CLEC4M: variants seen among roughly 807,000 people sequenced by gnomAD.
The protein encoded by CLEC4M is CD209 antigen-like protein 1.
Under a neutral mutation model 39.1 loss-of-function variants are expected in CLEC4M, and 25 were observed. The ratio of observed to expected loss-of-function variants is 0.64; its 90% CI spans 0.47 to 0.89. The LOEUF (loss-of-function observed/expected upper bound fraction) is 0.89. Ranked by LOEUF, CLEC4M falls within the 40% of genes least tolerant of loss-of-function variation. The pLI, the probability that CLEC4M is intolerant of heterozygous loss-of-function variation, is 0.00. For missense variants in CLEC4M, 353 were observed against 431.4 expected (o/e 0.82, Z 1.61); for synonymous variants, 155 against 177.4 (o/e 0.87, Z 1.00).
Position 7,769,048 on chromosome 19 carries a change from G to A in CLEC4M, c.*60G>A, listed in dbSNP as rs1490084281. Reference sequence around the variant, plus strand: ...ATAGCAGAACTTCACCCACTTGTAAGCCAGCGCTTCTTCTCTCCATCCTTG... The same window carrying A: ...ATAGCAGAACTTCACCCACTTGTAAACCAGCGCTTCTTCTCTCCATCCTTG... On this transcript the variant is annotated 3_prime_UTR_variant, in exon 7 of 7. Coordinates refer to ENST00000327325, the MANE Select transcript of CLEC4M (RefSeq NM_014257.5). The A allele has an allele frequency of 6.4e-7, 1 of 1,557,906 alleles. No individual in the cohort carries two copies. Among genetic ancestry groups the A allele is most frequent in the Non-Finnish European group, 8.8e-7 (1 of 1,140,076 alleles).
chr19:7,766,828 C>G, intron 5 of CLEC4M, 21 bp downstream of exon 5: 1 of 1,614,120 alleles, frequency 6.2e-7, no homozygotes, highest in Non-Finnish European at 8.5e-7. Context: ...TGGGGGTCCT[C>G]GTCCTGGCCT....
chr19:7,763,553 G>A (rs2034111229), intron 2 of CLEC4M, 77 bp downstream of exon 2: 1 of 1,267,824 alleles, frequency 7.9e-7, no homozygotes, highest in Non-Finnish European at 1.1e-6. Flanking sequence ...TAGGTGTTGG[G>A]GTCTGGAATC....
intron 4 of CLEC4M, 130 bp from the exon 5 acceptor site, chr19:7,766,526 C>A: frequency 6.5e-7 from 1 of 1,534,264 alleles, no homozygotes; most frequent in Non-Finnish European, 8.7e-7. Flanking sequence ...GGTCTCTCCC[C>A]ATTCCAAGCG....
At chr19:7,766,983 T>G in intron 5 of CLEC4M, 176 bp downstream of exon 5, 1 of 1,082,918 alleles carries the variant, frequency 9.2e-7, no homozygotes, top group Non-Finnish European at 1.3e-6. Flanking sequence ...AAACCAGATC[T>G]GAACACATGT....
chr19:7,764,204 A>G (rs1021094282), intron 2 of CLEC4M, among the ~76,000 whole-genome samples: 3 of 151,930 alleles, frequency 2.0e-5, no homozygotes, highest in Non-Finnish European at 4.4e-5. Flanking sequence ...CCTTTTAAGC[A>G]TTTCATGGGG....
At chr19:7,764,694 T>C (rs1274039751) in intron 2 of CLEC4M, among the ~76,000 whole-genome samples, 1 of 152,080 alleles carries the variant, frequency 6.6e-6, no homozygotes, top group Non-Finnish European at 1.5e-5. Flanking sequence ...GGTTTCACTG[T>C]GTTAGCCAGG....
chr19:7,767,290 G>A (rs900711118), intron 5 of CLEC4M: 11 of 537,358 alleles, frequency 2.0e-5, no homozygotes, highest in Non-Finnish European at 3.4e-5. Context: ...AGCATTCACA[G>A]GAGCACATGA....
chr19:7,768,810 A>G (rs1292934476), intron 6 of CLEC4M, 28 bp from the exon 7 acceptor site: 1 of 1,609,982 alleles, frequency 6.2e-7, no homozygotes, highest in Non-Finnish European at 8.5e-7. Context: ...GGCAGGGCAG[A>G]GGCTCACATT....
In CLEC4M at chr19:7,768,821, C is replaced by G; in HGVS notation, c.1050-17C>G. ...ACTGGGCAGGGCAGAGGCTCACATT[C>G]TGCATGGGCTTTGCAGCTTCCAGCG... On this transcript the variant is annotated splice_polypyrimidine_tract_variant and intron_variant, in intron 6 of 6. Coordinates refer to ENST00000327325, the MANE Select transcript of CLEC4M (RefSeq NM_014257.5). 6.2e-7 allele frequency: 1 copy of G among 1,612,560 alleles called. No homozygotes were observed. The highest frequency in any genetic ancestry group is 8.5e-7 in the Non-Finnish European group (1 of 1,178,848).
At chr19:7,763,498 G>C (rs751087876) in intron 2 of CLEC4M, 22 bp downstream of exon 2, 10 of 1,601,770 alleles carry the variant, frequency 6.2e-6, no homozygotes, top group Non-Finnish European at 8.6e-6. Flanking sequence ...TTAGGGAGCA[G>C]ATAGTGGAAG....
rs745989492 is a variant in CLEC4M at position 7,766,219 on chromosome 19, C to T, written c.784+12C>T. ...GAAGACTGCATTTGGTGAGTTCCTGCACATCAAGGGTCCTTGGGCCTGAGA... is the reference window on the plus strand; with the variant it reads ...GAAGACTGCATTTGGTGAGTTCCTGTACATCAAGGGTCCTTGGGCCTGAGA... On this transcript the variant is annotated intron_variant, in intron 4 of 6. Transcript: ENST00000327325. 1.5e-5 allele frequency: 24 copies of T among 1,613,720 alleles called. No individual in the cohort carries two copies. In the South Asian group the frequency reaches 2.6e-4, roughly 18 times the overall value.
At chr19:7,767,011 G>A (rs1019184288) in intron 5 of CLEC4M, 24 of 904,466 alleles carry the variant, frequency 2.7e-5, no homozygotes, top group African/African-American at 1.7e-4. Flanking sequence ...TGGGGGAAAC[G>A]TCAAATGTAA....
chr19:7,765,465 C>T (rs1012384541), intron 3 of CLEC4M, 173 bp from the exon 4 acceptor site: 29 of 1,244,048 alleles, frequency 2.3e-5, no homozygotes, highest in Non-Finnish European at 2.7e-5. Flanking sequence ...AGGGGAAGAA[C>T]CTGGCTCTCC....
intron 5 of CLEC4M, chr19:7,767,106 C>G: frequency 2.1e-6 from 1 of 485,408 alleles, no homozygotes; most frequent in Non-Finnish European, 3.7e-6. Context: ...GCCAATTTCC[C>G]CAGTGTAAAT....
At position 7,763,376 on chromosome 19, in the gene CLEC4M, G is replaced by T; in HGVS notation, c.47-17G>T. On this transcript the variant is annotated splice_polypyrimidine_tract_variant and intron_variant, in intron 1 of 6. Transcript: ENST00000327325. Reference sequence around the variant, plus strand: ...GAAGGGATGGCCCAGGCTCTGAGCTGATGTCTGTCAATTCAGAAGAAGATC... The same window carrying T: ...GAAGGGATGGCCCAGGCTCTGAGCTTATGTCTGTCAATTCAGAAGAAGATC... 1 of 1,613,782 alleles carries T rather than the reference G, an allele frequency of 6.2e-7. No individual in the cohort carries two copies. Among genetic ancestry groups the T allele is most frequent in the Non-Finnish European group, 8.5e-7 (1 of 1,179,790 alleles).
chr19:7,769,192 G>T lies in CLEC4M; in HGVS notation c.*204G>T. The T allele has an allele frequency of 5.8e-6, 3 of 514,948 alleles. No individual in the cohort carries two copies. The South Asian group carries it at 6.9e-5, about 12-fold the overall frequency. The allele number at this position is 514,948 out of a possible 1,614,324, so 31.9% of individuals were successfully genotyped here. A position where few individuals can be genotyped will look rare whatever the true frequency, so the allele number is the denominator to read the frequency against. ...CCCTGGTGTAGAGCTTGTGTTCTTG[G>T]CCCATCCTTGGAGCTTTATAAGTGA... On this transcript the variant is annotated 3_prime_UTR_variant, in exon 7 of 7. Transcript: ENST00000327325.
At position 7,768,822 on chromosome 19, in the gene CLEC4M, T is replaced by C. The variant is rs1407307940; in HGVS notation, c.1050-16T>C. The C allele has an allele frequency of 6.2e-7, 1 of 1,612,636 alleles. No individual in the cohort carries two copies. The highest frequency in any genetic ancestry group is 1.1e-5 in the South Asian group (1 of 91,012). On this transcript the variant is annotated splice_polypyrimidine_tract_variant and intron_variant, in intron 6 of 6. Coordinates refer to ENST00000327325, the MANE Select transcript of CLEC4M (RefSeq NM_014257.5). ...CTGGGCAGGGCAGAGGCTCACATTC[T>C]GCATGGGCTTTGCAGCTTCCAGCGG...
Position 7,765,173 on chromosome 19 carries a change from A to G in CLEC4M, c.131-12A>G. On this transcript the variant is annotated splice_polypyrimidine_tract_variant and intron_variant, in intron 2 of 6. Transcript: ENST00000327325. ...GGAACACTGGCAGGCTGACGCATGT[A>G]TCCTCTCTCAGGGTGTCTTGGCCAT... 6.2e-7 allele frequency: 1 copy of G among 1,613,770 alleles called. No individual in the cohort carries two copies. Among genetic ancestry groups the G allele is most frequent in the East Asian group, 2.2e-5 (1 of 44,868 alleles).
At chr19:7,767,718 T>G in intron 6 of CLEC4M, 90 bp downstream of exon 6, 1 of 1,096,838 alleles carries the variant, frequency 9.1e-7, no homozygotes, top group Non-Finnish European at 1.4e-6. Context: ...CCCCCCAACC[T>G]CCCTGACCCC....
Sources: gnomAD v4.1 joint callset for allele counts (sites outside exome capture counted in the v4.1 genomes callset) on GRCh38, gnomAD v4.1.1 for gene constraint, MANE v1.5 for transcripts, NCBI Gene and HGNC (gene_info 2026-07-23, HGNC 2026-07-21) for gene names.